Variants in BRD1 observed in about 807,000 individuals in gnomAD.
BRD1 encodes the protein bromodomain-containing protein 1.
BRD1 carries 24 observed loss-of-function variants against 107.7 expected under a neutral mutation model. The ratio of observed to expected loss-of-function variants is 0.22; its 90% CI spans 0.16 to 0.31. BRD1 has a LOEUF of 0.31. Among genes scored for constraint, BRD1 ranks in the 10% least tolerant of loss-of-function variants. BRD1 has a pLI of 1.00. For synonymous variants in BRD1, 744 were observed against 686.1 expected (o/e 1.08, Z -1.32); for missense variants, 1,279 against 1,638.6 (o/e 0.78, Z 3.79).
At chr22:49,785,024 T>C (rs9628132) in intron 8 of BRD1, among the ~76,000 whole-genome samples, 7,688 of 152,300 alleles carry the variant, frequency 0.05, 586 homozygotes, top group African/African-American at 0.16. Flanking sequence ...AAAGCCACCA[T>C]GGGCCACGCT....
At chr22:49,789,638 GA>G (rs2059395295) in intron 7 of BRD1, among the ~76,000 whole-genome samples, 1 of 152,172 alleles carries the variant, frequency 6.6e-6, no homozygotes, top group South Asian at 2.1e-4. Flanking sequence ...GATGGAGCCT[GA>G]AGGAGTCTCC....
chr22:49,826,289 C>A (rs2060148244), intron 1 of BRD1: 1 of 983,736 alleles, frequency 1.0e-6, no homozygotes, highest in South Asian at 4.7e-5. Context: ...AAGGGGAGAA[C>A]TGAACCGAAG....
At chr22:49,797,017 G>A (rs1057396184) in intron 6 of BRD1, among the ~76,000 whole-genome samples, 1 of 152,248 alleles carries the variant, frequency 6.6e-6, no homozygotes, top group Admixed American at 6.5e-5. Flanking sequence ...TGCTCAGTTT[G>A]TGGCTCAGAG....
chr22:49,818,384 C>A, intron 2 of BRD1: 1 of 1,193,018 alleles, frequency 8.4e-7, no homozygotes, highest in Non-Finnish European at 1.1e-6. Context: ...TCTGATGAAC[C>A]TAGGAGTTTT....
intron 6 of BRD1, among the ~76,000 whole-genome samples, chr22:49,794,907 A>C (rs1463197916): frequency 1.3e-5 from 2 of 152,322 alleles, no homozygotes; most frequent in South Asian, 2.1e-4. Flanking sequence ...AAAATTTATA[A>C]AGCACAAATT....
chr22:49,785,469 A>T (rs796453335), intron 8 of BRD1, among the ~76,000 whole-genome samples: 9 of 152,374 alleles, frequency 5.9e-5, no homozygotes, highest in African/African-American at 2.2e-4. Flanking sequence ...AACCTCTAGT[A>T]CCCAGTGCAC....
intron 3 of BRD1, 87 bp from the exon 4 acceptor site, chr22:49,799,206 G>A: frequency 6.5e-7 from 1 of 1,526,878 alleles, no homozygotes; most frequent in African/African-American, 1.4e-5. Flanking sequence ...GACCCCAAGA[G>A]GCATCCACGT....
chr22:49,826,072 A>G, intron 1 of BRD1: 1 of 705,994 alleles, frequency 1.4e-6, no homozygotes, highest in African/African-American at 1.9e-5. Flanking sequence ...CACAGCCTGC[A>G]GAGAGCGACC....
chr22:49,798,114 G>C lies in BRD1; in HGVS notation c.1789C>G (p.Pro597Ala). The stretch of plus-strand genomic sequence containing the variant: ...TGTTTAATGTGATCCAAATAATCTG[G>C]TACCTAATTTTAGGGAGGAAAAAGA... ...FAQPVSLKEVPDYLDHIKHPM... is the reference protein window; with the variant it reads ...FAQPVSLKEVADYLDHIKHPM... The change falls in exon 6 of 13, where the codon CCA (proline) becomes GCA (alanine). Residue 597 changes from proline to alanine, a missense_variant. By Grantham distance (27) the Pro-to-Ala change is conservative (BLOSUM62 -1). Coordinates refer to ENST00000404760, the MANE Select transcript of BRD1 (RefSeq NM_001304808.3). 1 of 1,597,508 alleles carries C rather than the reference G, an allele frequency of 6.3e-7. No individual in the cohort carries two copies.
At chr22:49,806,544 C>A (rs1331013823) in intron 2 of BRD1, 1 of 152,154 alleles carries the variant, frequency 6.6e-6, no homozygotes, top group African/African-American at 2.4e-5. Flanking sequence ...GGAAACAGAC[C>A]TCAGATAAGA....
At chr22:49,797,599 GAGTAAA>G (rs1330696624) in intron 6 of BRD1, among the ~76,000 whole-genome samples, 200 bp downstream of exon 6, 2 of 152,184 alleles carry the variant, frequency 1.3e-5, no homozygotes, top group African/African-American at 4.8e-5. Flanking sequence ...TCCATACACT[GAGTAAA>G]ATAAGACATA....
intron 2 of BRD1, among the ~76,000 whole-genome samples, chr22:49,819,062 A>G (rs994837516): frequency 2.0e-5 from 3 of 150,202 alleles, no homozygotes; most frequent in African/African-American, 4.9e-5. Flanking sequence ...GTTTGAGACC[A>G]TCCTGGACAA....
chr22:49,801,715 A>C (rs1049150637), intron 3 of BRD1, among the ~76,000 whole-genome samples: 1 of 152,224 alleles, frequency 6.6e-6, no homozygotes, highest in South Asian at 2.1e-4. Flanking sequence ...TTACAAACGT[A>C]TTCTGCACAC....
intron 2 of BRD1, among the ~76,000 whole-genome samples, chr22:49,804,824 C>G (rs1486088611): frequency 6.6e-6 from 1 of 152,092 alleles, no homozygotes; most frequent in Non-Finnish European, 1.5e-5. Flanking sequence ...GCACTCCAGC[C>G]TGGGTGACAG....
intron 8 of BRD1, 142 bp from the exon 9 acceptor site, chr22:49,777,955 T>C: frequency 8.4e-7 from 1 of 1,196,102 alleles, no homozygotes; most frequent in South Asian, 1.6e-5. Context: ...CACTCCCAAG[T>C]TCCCGAGCAT....
chr22:49,795,768 C>T (rs895231139), intron 6 of BRD1, among the ~76,000 whole-genome samples: 7 of 152,166 alleles, frequency 4.6e-5, no homozygotes, highest in Non-Finnish European at 1.0e-4. Context: ...CTGTGGGAGG[C>T]GGGGGAAGCT....
At chr22:49,818,511 G>T in intron 2 of BRD1, 1 of 412,426 alleles carries the variant, frequency 2.4e-6, no homozygotes, top group Non-Finnish European at 3.3e-6. Context: ...AATGAGTCCT[G>T]CAGTAATCCA....
Position 49,783,544 on chromosome 22 carries a change from C to T in BRD1, c.2857+3846G>A, listed in dbSNP as rs924678850. On this transcript the variant is annotated intron_variant, in intron 8 of 12. Transcript: ENST00000404760. The surrounding 1 kb of genome is among the most constrained non-coding windows in gnomAD (Gnocchi z 4.2). ...AACCACCAGTCACTATGGGACGGCT[C>T]CGCACATGCTCAGGACAGCCTCAGA... is the stretch of plus-strand genomic sequence containing the variant. Among the ~76,000 whole-genome samples the T allele has an allele frequency of 1.3e-5, 2 of 152,214 alleles. No individual in the cohort carries two copies. Among genetic ancestry groups the T allele is most frequent in the South Asian group, 4.1e-4 (2 of 4,832 alleles).
At chr22:49,815,131 G>C (rs1374605214) in intron 2 of BRD1, among the ~76,000 whole-genome samples, 2 of 152,234 alleles carry the variant, frequency 1.3e-5, no homozygotes, top group African/African-American at 4.8e-5. Flanking sequence ...AGCATCTTTA[G>C]GAGAGTCTGA....
Sources: gnomAD v4.1 joint callset for allele counts (sites outside exome capture counted in the v4.1 genomes callset) on GRCh38, gnomAD v4.1.1 for gene constraint, Gnocchi (gnomAD v3.1) non-coding constraint, MANE v1.5 for transcripts, NCBI Gene and HGNC (gene_info 2026-07-23, HGNC 2026-07-21) for gene names.